The following SLC40A1 variants were observed in gnomAD, a reference collection of about 807,000 sequenced individuals.
SLC40A1 encodes the protein ferroportin.
Under a neutral mutation model 53.5 loss-of-function variants are expected in SLC40A1, and 16 were observed. The observed-to-expected ratio is 0.30, with a 90% CI of 0.20 to 0.45. The LOEUF is 0.45. Among genes scored for constraint, SLC40A1 ranks in the 20% least tolerant of loss-of-function variants. SLC40A1 has a pLI of 1.00. For synonymous variants in SLC40A1, 247 were observed against 253.2 expected, an observed-to-expected ratio of 0.98 and a Z score of 0.23; for missense variants, 545 against 695.4, an observed-to-expected ratio of 0.78 and a Z score of 2.43.
At chr2:189,570,186 T>G (rs1260948385) in intron 5 of SLC40A1, among the ~76,000 whole-genome samples, 1 of 151,832 alleles carries the variant, frequency 6.6e-6, no homozygotes, top group Non-Finnish European at 1.5e-5. Flanking sequence ...TTTTCATATT[T>G]CAGACTTTGC....
chr2:189,569,821 C>T (rs1486872353), intron 5 of SLC40A1, among the ~76,000 whole-genome samples: 1 of 152,084 alleles, frequency 6.6e-6, no homozygotes, highest in African/African-American at 2.4e-5. Context: ...TAGATTCTTC[C>T]ACTCTGCAAT....
intron 5 of SLC40A1, among the ~76,000 whole-genome samples, chr2:189,566,183 A>C (rs1485451844): frequency 6.6e-6 from 1 of 152,200 alleles, no homozygotes; most frequent in African/African-American, 2.4e-5. Flanking sequence ...GACTCACTGA[A>C]AAAAAGAGCA....
Position 189,565,532 on chromosome 2 carries a change from C to G in SLC40A1, c.582G>C (p.Gln194His), listed in dbSNP as rs776292203. 6.2e-7 allele frequency: 1 copy of G among 1,614,226 alleles called. No homozygotes were observed. Among genetic ancestry groups the G allele is most frequent in the Non-Finnish European group, 8.5e-7 (1 of 1,180,044 alleles). Reference sequence around the variant, plus strand: ...TGACTGGGGAGCCAAATGTCATAATCTGGCCAACAGCCATGGGGGCTAAGA... The same window carrying G: ...TGACTGGGGAGCCAAATGTCATAATGTGGCCAACAGCCATGGGGGCTAAGA... ...TNILAPMAVG[Q>H]IMTFGSPVIG... The change falls in exon 6 of 8, where the codon CAG (glutamine) becomes CAC (histidine). Residue 194 changes from glutamine (Q) to histidine (H), a missense_variant. This residue lies in a region of SLC40A1 where 197 missense variants were observed against 278.8 expected (regional missense o/e 0.71). Coordinates refer to ENST00000261024, the MANE Select transcript of SLC40A1 (RefSeq NM_014585.6).
At chr2:189,572,812 T>C in intron 4 of SLC40A1, 34 bp downstream of exon 4, 1 of 1,461,356 alleles carries the variant, frequency 6.8e-7, no homozygotes. Context: ...AGATATTCAA[T>C]TTTCTGCCAT....
intron 1 of SLC40A1, 118 bp downstream of exon 1, chr2:189,580,300 C>A: frequency 9.0e-7 from 1 of 1,108,916 alleles, no homozygotes; most frequent in South Asian, 1.2e-5. Context: ...GTCAAAGGAT[C>A]TTTTTACAAA....
At chr2:189,572,740 A>G in intron 4 of SLC40A1, 106 bp downstream of exon 4, 1 of 768,108 alleles carries the variant, frequency 1.3e-6, no homozygotes, top group Non-Finnish European at 2.3e-6. Flanking sequence ...AATCAATATT[A>G]AAAGGTCACA....
chr2:189,573,051 A>C, intron 3 of SLC40A1, 90 bp from the exon 4 acceptor site: 1 of 895,512 alleles, frequency 1.1e-6, no homozygotes, highest in Non-Finnish European at 1.9e-6. Context: ...ACTATAATAC[A>C]TTAATACACA....
At chr2:189,573,043 T>C in intron 3 of SLC40A1, 82 bp from the exon 4 acceptor site, 5 of 954,932 alleles carry the variant, frequency 5.2e-6, no homozygotes, top group Middle Eastern at 2.1e-4. Flanking sequence ...ATTGTTCTAC[T>C]ATAATACATT....
intron 2 of SLC40A1, among the ~76,000 whole-genome samples, chr2:189,577,029 A>G (rs73047757): frequency 0.092 from 13,971 of 152,190 alleles, 1,874 homozygotes; most frequent in African/African-American, 0.29. Flanking sequence ...ATGTTTACAA[A>G]AAGCCCAATA....
intron 7 of SLC40A1, 91 bp from the exon 8 acceptor site, chr2:189,562,282 A>T: frequency 9.9e-7 from 1 of 1,007,322 alleles, no homozygotes; most frequent in South Asian, 1.5e-5. Flanking sequence ...TATGCAAAAT[A>T]TACATTTTAG....
chr2:189,580,291 T>A, intron 1 of SLC40A1, 127 bp downstream of exon 1: 1 of 1,038,512 alleles, frequency 9.6e-7, no homozygotes, highest in Non-Finnish European at 1.5e-6. Flanking sequence ...CAAATATGAG[T>A]CAAAGGATCT....
At position 189,561,225 on chromosome 2, in the gene SLC40A1, T is replaced by C. The variant is rs537552855; in HGVS notation, c.*653A>G. 1 of 152,480 alleles carries C rather than the reference T, an allele frequency of 6.6e-6. No individual in the cohort carries two copies. The highest frequency in any genetic ancestry group is 1.9e-4 in the East Asian group (1 of 5,196). The allele number at this position is 152,480 out of a possible 1,614,324, so 9.4% of individuals were successfully genotyped here. On this transcript the variant is annotated 3_prime_UTR_variant, in exon 8 of 8. Coordinates refer to ENST00000261024, the MANE Select transcript of SLC40A1 (RefSeq NM_014585.6). ...TTGCTTCTACCTGCAGCTTACATGA[T>C]AACCATGCTGTGAAGTGCTACATAT...
At position 189,573,467 on chromosome 2, in the gene SLC40A1, TA is replaced by T. The variant is rs1366204452; in HGVS notation, c.272-507del. ...TAAAGCAGCAGTGTATTTCTTTGCA[TA>T]CTAATGCTATTTGCCATTGCTACGA... On this transcript the variant is annotated intron_variant, in intron 3 of 7. Coordinates refer to ENST00000261024, the MANE Select transcript of SLC40A1 (RefSeq NM_014585.6). Among the ~76,000 whole-genome samples, 6 of 152,342 alleles carry T rather than the reference TA, an allele frequency of 3.9e-5. No individual in the cohort carries two copies. In the East Asian group the frequency reaches 1.2e-3, roughly 29 times the overall value.
intron 5 of SLC40A1, among the ~76,000 whole-genome samples, chr2:189,568,796 T>C (rs2031032369): frequency 1.3e-5 from 2 of 152,210 alleles, no homozygotes; most frequent in Admixed American, 1.3e-4. Flanking sequence ...GAACACAAAA[T>C]TTATCTGCCA....
At chr2:189,564,675 C>A (rs963362964) in intron 6 of SLC40A1, among the ~76,000 whole-genome samples, 3 of 152,056 alleles carry the variant, frequency 2.0e-5, no homozygotes, top group African/African-American at 4.8e-5. Context: ...CCCGTCTCTA[C>A]TAAAAATACA....
chr2:189,562,263 C>G (rs1179040780), intron 7 of SLC40A1, 72 bp from the exon 8 acceptor site: 1 of 1,220,180 alleles, frequency 8.2e-7, no homozygotes, highest in Admixed American at 2.1e-5. Context: ...AGATAAAAAT[C>G]TGTTGACATA....
At chr2:189,563,559 T>A (rs1286270760) in intron 7 of SLC40A1, 25 bp downstream of exon 7, 1 of 1,603,484 alleles carries the variant, frequency 6.2e-7, no homozygotes, top group Admixed American at 1.7e-5. Context: ...TTTAGTTCAT[T>A]AATATATAAA....
In SLC40A1 at chr2:189,575,522, TAAGTAAACTTG is replaced by T. The variant is rs547179396; in HGVS notation, c.112-213_112-203del. ...ATGGAAAATATTCTTGCCCAATTAT[TAAGTAAACTTG>T]AAAAGGCATGATATTAATGAACCGC... On this transcript the variant is annotated intron_variant, in intron 2 of 7. Transcript: ENST00000261024. Among the ~76,000 whole-genome samples, 21 of 152,352 alleles carry T rather than the reference TAAGTAAACTTG, an allele frequency of 1.4e-4. No individual in the cohort carries two copies. The South Asian group carries it at 4.3e-3, about 32-fold the overall frequency.
intron 2 of SLC40A1, among the ~76,000 whole-genome samples, chr2:189,577,722 C>CAA (rs1449959143): frequency 6.6e-6 from 1 of 150,450 alleles, no homozygotes; most frequent in Non-Finnish European, 1.5e-5. Context: ...TCAAGCAATT[C>CAA]TTCCACCTCA....
Sources: gnomAD v4.1 joint callset for allele counts (sites outside exome capture counted in the v4.1 genomes callset) on GRCh38, gnomAD v4.1.1 for gene constraint, gnomAD v4.1.1 regional missense constraint, MANE v1.5 for transcripts, NCBI Gene and HGNC (gene_info 2026-07-23, HGNC 2026-07-21) for gene names.